Variants in RBFOX1 observed in about 807,000 individuals in gnomAD.
RBFOX1 encodes the protein RNA binding protein fox-1 homolog 1.
A neutral mutation model predicts 57.7 loss-of-function variants in RBFOX1; 8 were observed. The ratio of observed to expected loss-of-function variants is 0.14; its 90% CI spans 0.08 to 0.25. RBFOX1 has a LOEUF of 0.25. Among genes scored for constraint, RBFOX1 ranks in the 10% least tolerant of loss-of-function variants. The pLI, the probability that RBFOX1 is intolerant of heterozygous loss-of-function variation, is 1.00. For missense variants in RBFOX1, 611 were observed against 548.5 expected (o/e 1.11, Z -1.14); for synonymous variants, 326 against 222.4 (o/e 1.47, Z -4.15).
chr16:7,028,569 A>G lies in RBFOX1; in HGVS notation c.-15-23488A>G, dbSNP rs141750336. 8.4e-4 allele frequency among the ~76,000 whole-genome samples: 114 copies of G among 135,958 alleles called. 1 individual carries two copies. Among genetic ancestry groups the G allele is most frequent in the African/African-American group, 3.2e-3 (112 of 35,064 alleles). 89.2% of individuals were successfully genotyped at this position (135,958 alleles called of 152,430 possible). ...AGCATTGCACTCCAACCTGGGCAATAAGAGTGAAACTCCCTCACACACACA... is the reference window on the plus strand; with the variant it reads ...AGCATTGCACTCCAACCTGGGCAATGAGAGTGAAACTCCCTCACACACACA... On this transcript the variant is annotated intron_variant, in intron 3 of 15. Coordinates refer to ENST00000550418, the MANE Select transcript of RBFOX1 (RefSeq NM_018723.4).
chr16:6,681,390 A>G (rs1314095766), intron 3 of RBFOX1, among the ~76,000 whole-genome samples: 1 of 152,190 alleles, frequency 6.6e-6, no homozygotes, highest in Non-Finnish European at 1.5e-5. Flanking sequence ...AAAGTTTGGT[A>G]TCTTGGTAGC....
chr16:5,950,214 C>G (rs554495591), intron 4 of RBFOX1, among the ~76,000 whole-genome samples: 1 of 152,322 alleles, frequency 6.6e-6, no homozygotes, highest in African/African-American at 2.4e-5. Flanking sequence ...CACGGACTTT[C>G]AAGGCAGACA....
At position 6,151,088 on chromosome 16, in the gene RBFOX1, A is replaced by G. The variant is rs76807655; in HGVS notation, c.-127+131096A>G. On this transcript the variant is annotated intron_variant, in intron 1 of 15. Coordinates refer to ENST00000550418, the MANE Select transcript of RBFOX1 (RefSeq NM_018723.4). ...AACGTCAGGTCTGAAGGGCAGGACT[A>G]TGACTATGGTTTCCTTATTCATCAT... 2.3e-3 allele frequency among the ~76,000 whole-genome samples: 356 copies of G among 152,282 alleles called. 1 individual carries two copies. The highest frequency in any genetic ancestry group is 6.4e-3 in the Admixed American group (98 of 15,298).
intron 1 of RBFOX1, among the ~76,000 whole-genome samples, chr16:5,438,992 G>T (rs778011044): frequency 1.6e-4 from 23 of 146,104 alleles, no homozygotes; most frequent in Admixed American, 6.8e-4. Context: ...CACTTATACT[G>T]CATATTGTGA....
intron 4 of RBFOX1, among the ~76,000 whole-genome samples, chr16:7,226,035 C>T (rs971204979): frequency 6.6e-6 from 1 of 151,832 alleles, no homozygotes; most frequent in Non-Finnish European, 1.5e-5. Flanking sequence ...CTTTTCTTGG[C>T]GTCCACTTTA....
intron 2 of RBFOX1, among the ~76,000 whole-genome samples, chr16:6,331,011 T>TTATC (rs2082954850): frequency 6.6e-6 from 1 of 152,196 alleles, no homozygotes; most frequent in African/African-American, 2.4e-5. Context: ...ACTTCAGATT[T>TTATC]TATCCTAAGT....
At chr16:6,533,326 G>C (rs1050475685) in intron 2 of RBFOX1, among the ~76,000 whole-genome samples, 1 of 152,190 alleles carries the variant, frequency 6.6e-6, no homozygotes, top group African/African-American at 2.4e-5. Context: ...AGGAAAATTT[G>C]AGAACCTGGC....
At chr16:6,852,148 G>A (rs1004122795) in intron 3 of RBFOX1, among the ~76,000 whole-genome samples, 1 of 152,052 alleles carries the variant, frequency 6.6e-6, no homozygotes, top group African/African-American at 2.4e-5. Context: ...TTGGTGATCT[G>A]ATGTCTGAAA....
intron 4 of RBFOX1, among the ~76,000 whole-genome samples, chr16:7,351,700 C>T (rs2097132781): frequency 6.6e-6 from 1 of 152,158 alleles, no homozygotes; most frequent in Non-Finnish European, 1.5e-5. Context: ...ACACCTGGTA[C>T]TTTACTCTCC....
chr16:5,779,216 C>T (rs1392342219), intron 3 of RBFOX1, among the ~76,000 whole-genome samples: 2 of 152,170 alleles, frequency 1.3e-5, no homozygotes, highest in Admixed American at 1.3e-4. Context: ...GTGTGCAGAC[C>T]AGACCCCTCT....
intron 2 of RBFOX1, among the ~76,000 whole-genome samples, chr16:6,626,091 G>A (rs1344907811): frequency 2.0e-5 from 3 of 150,830 alleles, no homozygotes; most frequent in African/African-American, 7.3e-5. Flanking sequence ...ACCAATATGC[G>A]TCTCTTAGTT....
At chr16:6,941,587 C>A (rs1038389529) in intron 3 of RBFOX1, among the ~76,000 whole-genome samples, 10 of 151,814 alleles carry the variant, frequency 6.6e-5, no homozygotes, top group Admixed American at 4.6e-4. Context: ...AGGGAATCTC[C>A]TCTACCTACT....
chr16:6,946,340 C>G (rs1339070519), intron 3 of RBFOX1, among the ~76,000 whole-genome samples: 1 of 152,194 alleles, frequency 6.6e-6, no homozygotes, highest in African/African-American at 2.4e-5. Context: ...GTCAGTGGGC[C>G]AGGTCTGGCC....
intron 3 of RBFOX1, among the ~76,000 whole-genome samples, chr16:5,773,766 C>T (rs1383871551): frequency 1.3e-5 from 2 of 151,660 alleles, no homozygotes; most frequent in Non-Finnish European, 2.9e-5. Flanking sequence ...GGTGTGATCT[C>T]GGCTCACTGC....
intron 2 of RBFOX1, among the ~76,000 whole-genome samples, chr16:6,332,453 T>C (rs1599723548): frequency 6.6e-6 from 1 of 152,362 alleles, no homozygotes; most frequent in African/African-American, 2.4e-5. Context: ...GTAAGCTACA[T>C]TAATAGGCAA....
At chr16:6,533,998 TAC>T (rs1197880923) in intron 2 of RBFOX1, among the ~76,000 whole-genome samples, 1 of 152,060 alleles carries the variant, frequency 6.6e-6, no homozygotes, top group Non-Finnish European at 1.5e-5. Context: ...CACACACACA[TAC>T]ACACATATAC....
intron 3 of RBFOX1, among the ~76,000 whole-genome samples, chr16:6,711,347 A>G (rs2063679277): frequency 1.3e-5 from 2 of 152,148 alleles, no homozygotes; most frequent in African/African-American, 4.8e-5. Context: ...AGGTCCCCAC[A>G]TTCTGGTCCC....
At chr16:6,578,489 C>T (rs1040939385) in intron 2 of RBFOX1, among the ~76,000 whole-genome samples, 2 of 151,888 alleles carry the variant, frequency 1.3e-5, no homozygotes, top group African/African-American at 4.8e-5. Flanking sequence ...AATAAAAATC[C>T]ATGGTAAAAT....
chr16:5,467,194 C>T (rs2068979130), intron 1 of RBFOX1: 3 of 1,448,800 alleles, frequency 2.1e-6, no homozygotes, highest in South Asian at 1.3e-5. Context: ...CTCTCTCTCT[C>T]TCTTTTTTTT....
Sources: gnomAD v4.1 joint callset for allele counts (sites outside exome capture counted in the v4.1 genomes callset) on GRCh38, gnomAD v4.1.1 for gene constraint, MANE v1.5 for transcripts, NCBI Gene and HGNC (gene_info 2026-07-23, HGNC 2026-07-21) for gene names.